BMERB1: variants seen among roughly 807,000 people sequenced by gnomAD.
BMERB1 encodes bMERB domain-containing protein 1.
A neutral mutation model predicts 23.6 loss-of-function variants in BMERB1; 12 were observed. The ratio of observed to expected loss-of-function variants is 0.51; its 90% CI spans 0.33 to 0.82. The LOEUF is 0.82. Among genes scored for constraint, BMERB1 ranks in the 40% least tolerant of loss-of-function variants. The pLI, the probability that BMERB1 is intolerant of heterozygous loss-of-function variation, is 0.03. For missense variants in BMERB1, 247 were observed against 255.4 expected, an observed-to-expected ratio of 0.97 and a Z score of 0.22; for synonymous variants, 122 against 96.6, an observed-to-expected ratio of 1.26 and a Z score of -1.54.
At chr16:15,434,909 T>C (rs2050874621) in intron 1 of BMERB1, 150 bp downstream of exon 1, 4 of 661,400 alleles carry the variant, frequency 6.0e-6, no homozygotes, top group East Asian at 2.9e-5. Flanking sequence ...TACGCAGCTC[T>C]GCGCAGCGAC....
chr16:15,529,228 G>C (rs1024226627), intron 2 of BMERB1, among the ~76,000 whole-genome samples: 6 of 152,092 alleles, frequency 3.9e-5, no homozygotes, highest in Non-Finnish European at 7.4e-5. Flanking sequence ...GGGTTTCACC[G>C]TGTTAGCCAG....
intron 1 of BMERB1, among the ~76,000 whole-genome samples, chr16:15,465,353 A>ATTTTT (rs4012914): frequency 7.5e-6 from 1 of 133,426 alleles, no homozygotes; most frequent in Non-Finnish European, 1.6e-5. Context: ...TAAGATATAT[A>ATTTTT]TTTTTTTTTT....
intron 1 of BMERB1, among the ~76,000 whole-genome samples, chr16:15,479,955 A>C (rs981069494): frequency 1.4e-4 from 21 of 148,760 alleles, no homozygotes; most frequent in African/African-American, 4.9e-4. Flanking sequence ...TGTCTCAAAA[A>C]TTTTTTTCTA....
chr16:15,568,634 T>C (rs908054364), intron 3 of BMERB1, among the ~76,000 whole-genome samples: 2 of 151,738 alleles, frequency 1.3e-5, no homozygotes, highest in African/African-American at 4.8e-5. Flanking sequence ...CGAGACACTG[T>C]CTCAAAAAAA....
At chr16:15,437,984 C>A (rs2050903368) in intron 1 of BMERB1, among the ~76,000 whole-genome samples, 1 of 151,738 alleles carries the variant, frequency 6.6e-6, no homozygotes, top group Non-Finnish European at 1.5e-5. Flanking sequence ...GTATAAAGTC[C>A]TTCTTACCCT....
At chr16:15,504,772 A>C (rs1398020986) in intron 1 of BMERB1, among the ~76,000 whole-genome samples, 1 of 119,880 alleles carries the variant, frequency 8.3e-6, no homozygotes. Context: ...AGAAATATAA[A>C]AGTATTAAAA....
intron 2 of BMERB1, among the ~76,000 whole-genome samples, chr16:15,545,869 T>C (rs552146738): frequency 3.3e-5 from 5 of 152,198 alleles, no homozygotes; most frequent in African/African-American, 1.2e-4. Flanking sequence ...CCAACTTTTT[T>C]CCATTACAGG....
chr16:15,457,998 T>C (rs1374038839), intron 1 of BMERB1, among the ~76,000 whole-genome samples: 1 of 152,156 alleles, frequency 6.6e-6, no homozygotes. Flanking sequence ...ATTCACTCAC[T>C]ATCACGAGAA....
chr16:15,525,619 C>T lies in BMERB1; in HGVS notation c.230+10191C>T, dbSNP rs141754608. On this transcript the variant is annotated intron_variant, in intron 2 of 5. Transcript: ENST00000300006. ...ACTCGGAAAGTCGAGGCAGGAGAAT[C>T]GCTTGAACTTGGGAGGTGGAGGTTG... is the stretch of plus-strand genomic sequence containing the variant. Among the ~76,000 whole-genome samples, 578 of 151,172 alleles carry T rather than the reference C, an allele frequency of 3.8e-3. 4 individuals carry two copies. The highest frequency in any genetic ancestry group is 0.013 in the African/African-American group (531 of 41,102).
At chr16:15,482,363 G>A (rs774142398) in intron 1 of BMERB1, among the ~76,000 whole-genome samples, 1 of 152,156 alleles carries the variant, frequency 6.6e-6, no homozygotes, top group Non-Finnish European at 1.5e-5. Flanking sequence ...CATGAGGTGA[G>A]CAGAGACACT....
intron 1 of BMERB1, among the ~76,000 whole-genome samples, chr16:15,462,478 C>G (rs371938959): frequency 1.3e-5 from 2 of 151,994 alleles, no homozygotes; most frequent in East Asian, 3.9e-4. Flanking sequence ...AACCTGGCAG[C>G]CTTAAGTCCA....
intron 1 of BMERB1, among the ~76,000 whole-genome samples, chr16:15,462,025 A>G (rs1380741865): frequency 6.6e-6 from 1 of 152,080 alleles, no homozygotes; most frequent in Non-Finnish European, 1.5e-5. Flanking sequence ...TGTCAGATAA[A>G]CAACATATAT....
chr16:15,495,994 A>G (rs1598471653), intron 1 of BMERB1, among the ~76,000 whole-genome samples: 1 of 151,272 alleles, frequency 6.6e-6, no homozygotes, highest in South Asian at 2.1e-4. Context: ...AGTGATGTTG[A>G]TGGTGGTGGT....
At chr16:15,552,793 G>T (rs960206604) in intron 2 of BMERB1, among the ~76,000 whole-genome samples, 7 of 152,200 alleles carry the variant, frequency 4.6e-5, no homozygotes, top group Non-Finnish European at 8.8e-5. Flanking sequence ...CTGTTTTCTG[G>T]ATGAGTCAGT....
chr16:15,482,029 C>A (rs1046151870), intron 1 of BMERB1, among the ~76,000 whole-genome samples: 1 of 152,120 alleles, frequency 6.6e-6, no homozygotes, highest in African/African-American at 2.4e-5. Flanking sequence ...CCGCGCCTGG[C>A]CTGCTGTGTA....
At chr16:15,532,550 T>C (rs111649724) in intron 2 of BMERB1, among the ~76,000 whole-genome samples, 40 of 139,156 alleles carry the variant, frequency 2.9e-4, no homozygotes, top group Admixed American at 4.3e-4. Flanking sequence ...TTTTCTTTTT[T>C]TTTTTTTTTT....
At chr16:15,435,741 C>T (rs186080162) in intron 1 of BMERB1, among the ~76,000 whole-genome samples, 1 of 152,186 alleles carries the variant, frequency 6.6e-6, no homozygotes, top group Admixed American at 6.5e-5. Context: ...TCTGTCCTCA[C>T]CTGGTGGAAA....
intron 2 of BMERB1, among the ~76,000 whole-genome samples, chr16:15,525,353 C>A (rs573395330): frequency 6.6e-6 from 1 of 152,236 alleles, no homozygotes; most frequent in South Asian, 2.1e-4. Context: ...CAGCTGCCAC[C>A]TATAGATCTT....
intron 1 of BMERB1, among the ~76,000 whole-genome samples, chr16:15,438,293 GC>G (rs1229485334): frequency 2.0e-5 from 3 of 151,624 alleles, no homozygotes; most frequent in African/African-American, 7.3e-5. Context: ...CACTATGTTG[GC>G]CAGGCTGGTC....
Sources: allele counts gnomAD v4.1 joint callset (sites outside exome capture counted in the v4.1 genomes callset), GRCh38; gene constraint gnomAD v4.1.1; transcripts MANE v1.5; gene names NCBI Gene and HGNC (gene_info 2026-07-23, HGNC 2026-07-21).